Variants in BRCA1 observed in about 807,000 individuals in gnomAD.
BRCA1 encodes the protein BRCA1 DNA repair associated.
Under a neutral mutation model 173.7 loss-of-function variants are expected in BRCA1, and 140 were observed. That is an observed-to-expected ratio of 0.81 (90% CI 0.70 to 0.93). The LOEUF (loss-of-function observed/expected upper bound fraction) is 0.93. BRCA1 is among the 40% of genes least tolerant of loss of function. The pLI, the probability that BRCA1 is intolerant of heterozygous loss-of-function variation, is 0.00. For synonymous variants in BRCA1, 662 were observed against 756.0 expected (o/e 0.88, Z 2.04); for missense variants, 1,983 against 2,172.5 (o/e 0.91, Z 1.73).
intron 3 of BRCA1, among the ~76,000 whole-genome samples, chr17:43,108,216 T>G (rs1313976070): frequency 6.6e-6 from 1 of 151,154 alleles, no homozygotes; most frequent in Admixed American, 6.6e-5. Flanking sequence ...TGGTGCACTG[T>G]AGTCCCAGTT....
intron 1 of BRCA1, among the ~76,000 whole-genome samples, chr17:43,168,586 C>T (rs1477712269): frequency 6.6e-6 from 1 of 152,188 alleles, no homozygotes; most frequent in African/African-American, 2.4e-5. Flanking sequence ...TTGCGGTGAG[C>T]CCAAATCACG....
chr17:43,050,246 C>A (rs556107698), intron 20 of BRCA1: 27 of 396,658 alleles, frequency 6.8e-5, no homozygotes, highest in Admixed American at 4.4e-4. Context: ...TGCTGCGCAA[C>A]TCCAGAGGTA....
chr17:43,111,023 C>G (rs1194584368), intron 3 of BRCA1, among the ~76,000 whole-genome samples: 3 of 150,924 alleles, frequency 2.0e-5, no homozygotes, highest in Middle Eastern at 3.2e-3. Flanking sequence ...ATCACTTGAA[C>G]CAGAGAGGCA....
chr17:43,069,177 C>T (rs1024556899), intron 15 of BRCA1, among the ~76,000 whole-genome samples: 1 of 152,202 alleles, frequency 6.6e-6, no homozygotes, highest in African/African-American at 2.4e-5. Flanking sequence ...CTTTTGCTAC[C>T]ACCCTCCGCC....
At chr17:43,126,269 C>T (rs1348205751), upstream of BRCA1, among the ~76,000 whole-genome samples, 2 of 152,192 alleles carry the variant, frequency 1.3e-5, no homozygotes, top group Non-Finnish European at 1.5e-5. Context: ...GCAATCGCCA[C>T]CAGTCAATGG....
chr17:43,122,949 C>T (rs1249480748), intron 2 of BRCA1, among the ~76,000 whole-genome samples: 1 of 151,190 alleles, frequency 6.6e-6, no homozygotes, highest in Non-Finnish European at 1.5e-5. Flanking sequence ...CCCAGCTATT[C>T]AGGAGGCTCA....
At chr17:43,166,968 G>T (rs1444036404) in intron 1 of BRCA1, 1 of 152,220 alleles carries the variant, frequency 6.6e-6, no homozygotes, top group Non-Finnish European at 1.5e-5. Flanking sequence ...AAGTTTCAAA[G>T]ACTACTCTTA....
intron 1 of BRCA1, among the ~76,000 whole-genome samples, chr17:43,145,605 C>T (rs930006042): frequency 1.3e-5 from 2 of 152,130 alleles, no homozygotes; most frequent in Non-Finnish European, 1.5e-5. Flanking sequence ...GGATTACAGG[C>T]GTGAGCCACT....
intron 12 of BRCA1, chr17:43,079,836 AT>A (rs2052922709): frequency 1.4e-6 from 1 of 694,478 alleles, no homozygotes; most frequent in Non-Finnish European, 2.5e-6. Flanking sequence ...AAGAAAAGTC[AT>A]TCTATCACCA....
In BRCA1 at chr17:43,058,045, A is replaced by T. The variant is rs12451607; in HGVS notation, c.5194-910T>A. Among the ~76,000 whole-genome samples the T allele has an allele frequency of 9.2e-3, 1,366 of 148,732 alleles. 13 individuals carry two copies. The highest frequency in any genetic ancestry group is 0.013 in the Non-Finnish European group (879 of 67,060). On this transcript the variant is annotated intron_variant, in intron 18 of 22. Transcript: ENST00000357654. ...AAAAAAAAAAAAAAAAAAAAAAAAAATTTAAGGCATTCAGAATTGCCAGGC... is the reference window on the plus strand; with the variant it reads ...AAAAAAAAAAAAAAAAAAAAAAAAATTTTAAGGCATTCAGAATTGCCAGGC...
chr17:43,117,810 T>C (rs2055364353), intron 2 of BRCA1, among the ~76,000 whole-genome samples: 1 of 152,118 alleles, frequency 6.6e-6, no homozygotes, highest in African/African-American at 2.4e-5. Flanking sequence ...TACCTGTCTA[T>C]CCACAAAACC....
At chr17:43,141,338 G>T (rs1395656864) in intron 1 of BRCA1, among the ~76,000 whole-genome samples, 1 of 152,124 alleles carries the variant, frequency 6.6e-6, no homozygotes, top group Admixed American at 6.5e-5. Flanking sequence ...GCATGGTGGT[G>T]CATGCCTGTA....
In BRCA1 at chr17:43,093,704, ATTC is replaced by A. The variant is rs587781614; in HGVS notation, c.1824_1826del (p.Lys608del). 9.9e-6 allele frequency: 16 copies of A among 1,613,896 alleles called. No homozygotes were observed. Among genetic ancestry groups the A allele is most frequent in the Non-Finnish European group, 1.4e-5 (16 of 1,179,988 alleles). On this transcript the variant is annotated inframe_deletion, in exon 10 of 23. Transcript: ENST00000357654. Reference sequence around the variant, plus strand: ...TGGTAGAAGACTTCCTCCTCAGCCTATTCTTTTTAGGTGCTTTTGAATTGTGGA... The same window carrying A: ...TGGTAGAAGACTTCCTCCTCAGCCTATTTTTAGGTGCTTTTGAATTGTGGA...
chr17:43,049,002 T>C, intron 21 of BRCA1, 119 bp downstream of exon 21: 1 of 922,424 alleles, frequency 1.1e-6, no homozygotes, highest in South Asian at 1.4e-5. Flanking sequence ...CACAGGTATG[T>C]GGGCAGAGAA....
intron 1 of BRCA1, among the ~76,000 whole-genome samples, chr17:43,150,594 C>T (rs1050198926): frequency 1.3e-5 from 2 of 152,088 alleles, no homozygotes; most frequent in African/African-American, 4.8e-5. Context: ...CTCAAGCAAC[C>T]TTTTGACTGT....
Position 43,053,035 on chromosome 17 carries a change from C to T in BRCA1, c.5278-1918G>A, listed in dbSNP as rs149958317. Among the ~76,000 whole-genome samples, 367 of 152,096 alleles carry T rather than the reference C, an allele frequency of 2.4e-3. 2 individuals are homozygous for T. Among genetic ancestry groups the T allele is most frequent in the African/African-American group, 8.5e-3 (352 of 41,504 alleles). ...GGGATTACAGGTGCACACCACCACA[C>T]CCGGCTAATTTTTTGTATTTTTAGT... On this transcript the variant is annotated intron_variant, in intron 19 of 22. Transcript: ENST00000357654.
rs2055191178 is a variant in BRCA1, at chr17:43,114,868, A to G, written c.134+858T>C. ...GCCCACTTGTTCTACTAAATTACCT[A>G]CTCTACTTTTTCTGAAATTCTTTTA... On this transcript the variant is annotated intron_variant, in intron 3 of 22. Coordinates refer to ENST00000357654, the MANE Select transcript of BRCA1 (RefSeq NM_007294.4). 2.0e-5 allele frequency among the ~76,000 whole-genome samples: 3 copies of G among 152,236 alleles called. No individual in the cohort carries two copies. In the South Asian group the frequency reaches 6.2e-4, roughly 32 times the overall value.
intron 1 of BRCA1, 28 bp from the exon 2 acceptor site, chr17:43,124,143 T>C: frequency 3.3e-6 from 4 of 1,230,672 alleles, no homozygotes; most frequent in Non-Finnish European, 4.7e-6. Context: ...AACATATATA[T>C]ATATCTTTTT....
chr17:43,080,646 A>C (rs2052962992), intron 12 of BRCA1, among the ~76,000 whole-genome samples: 1 of 152,080 alleles, frequency 6.6e-6, no homozygotes, highest in Admixed American at 6.5e-5. Context: ...CTCTACAAAA[A>C]ATAAAAAAAA....
Sources: gnomAD v4.1 joint callset for allele counts (sites outside exome capture counted in the v4.1 genomes callset) on GRCh38, gnomAD v4.1.1 for gene constraint, MANE v1.5 for transcripts, NCBI Gene and HGNC (gene_info 2026-07-23, HGNC 2026-07-21) for gene names.